SAMD14: variants seen among roughly 807,000 people sequenced by gnomAD.
SAMD14 encodes the protein sterile alpha motif domain containing 14, also known as sterile alpha motif domain-containing protein 14.
In SAMD14, 27 loss-of-function variants were observed where a neutral mutation model predicts 46.2. That is an observed-to-expected ratio of 0.58 (90% CI 0.43 to 0.81). SAMD14 has a LOEUF of 0.81. Among genes scored for constraint, SAMD14 ranks in the 30% least tolerant of loss-of-function variants. The pLI, the probability that SAMD14 is intolerant of heterozygous loss-of-function variation, is 0.00. For missense variants in SAMD14, 559 were observed against 582.2 expected (o/e 0.96, Z 0.41); for synonymous variants, 241 against 254.3 (o/e 0.95, Z 0.50).
At position 50,112,891 on chromosome 17, in the gene SAMD14, C is replaced by G; in HGVS notation, c.*2G>C. ...CGGGTGCCAGCGCCTGTGCACCCTC[C>G]CCTAGCTCTTCTTGGCCTCCTGCTC... On this transcript the variant is annotated 3_prime_UTR_variant, in exon 10 of 10. Transcript: ENST00000330175. 1 of 1,603,580 alleles carries G rather than the reference C, an allele frequency of 6.2e-7. No homozygotes were observed. Among genetic ancestry groups the G allele is most frequent in the Non-Finnish European group, 8.5e-7 (1 of 1,179,488 alleles).
At chr17:50,128,671 CAGG>C in intron 1 of SAMD14, among the ~76,000 whole-genome samples, 1 of 152,232 alleles carries the variant, frequency 6.6e-6, no homozygotes, top group South Asian at 2.1e-4. Context: ...TCTTGGGACC[CAGG>C]AGAAGGAGAA....
At position 50,115,515 on chromosome 17, in the gene SAMD14, T is replaced by C; in HGVS notation, c.822+49A>G. 6.6e-7 allele frequency: 1 copy of C among 1,506,218 alleles called. No homozygotes were observed. The highest frequency in any genetic ancestry group is 8.9e-7 in the Non-Finnish European group (1 of 1,125,254). The allele number at this position is 1,506,218 out of a possible 1,614,324, so 93.3% of individuals were successfully genotyped here. A position where few individuals can be genotyped will look rare whatever the true frequency, so the allele number is the denominator to read the frequency against. ...AGCCAAGGTGAAGTACGCCCTCATG[T>C]CACCTGAGACTGGGGGCCAGTTTGG... On this transcript the variant is annotated intron_variant, in intron 7 of 9. Coordinates refer to ENST00000330175, the MANE Select transcript of SAMD14 (RefSeq NM_001257359.2). The surrounding 1 kb of genome is among the most constrained non-coding windows in gnomAD (Gnocchi z 5.3).
At chr17:50,124,761 A>ACGCGCACGCGCGCG (rs1555563082) in intron 2 of SAMD14, among the ~76,000 whole-genome samples, 156 bp downstream of exon 2, 15 of 108,134 alleles carry the variant, frequency 1.4e-4, no homozygotes, top group African/African-American at 5.7e-4. Context: ...GCACGCGTGC[A>ACGCGCACGCGCGCG]CGCGCGCGCG....
chr17:50,118,165 C>A lies in SAMD14; in HGVS notation c.206G>T (p.Gly69Val). ...GTTTTCCTAACTTGCCCCAACCTTG[C>A]CTCCGGGCCCATCCGAGCCTTCACC... The part of the protein sequence containing the change: ...EDGEGSDGPG[G>V]KVTDGCGSPL... The change falls in exon 3 of 10, where the codon GGC becomes GTC. Residue 69 changes from glycine to valine, a missense_variant. Gly to Val is a moderately radical substitution (Grantham distance 109, BLOSUM62 -3). Transcript: ENST00000330175. 1 of 1,591,620 alleles carries A rather than the reference C, an allele frequency of 6.3e-7. No individual in the cohort carries two copies. The highest frequency in any genetic ancestry group is 8.6e-7 in the Non-Finnish European group (1 of 1,166,292).
At position 50,112,772 on chromosome 17, in the gene SAMD14, C is replaced by A; in HGVS notation, c.*121G>T. 1 of 1,183,214 alleles carries A rather than the reference C, an allele frequency of 8.5e-7. No individual in the cohort carries two copies. Among genetic ancestry groups the A allele is most frequent in the South Asian group, 1.5e-5 (1 of 66,322 alleles). 73.3% of individuals were successfully genotyped at this position (1,183,214 alleles called of 1,614,324 possible). Reference sequence around the variant, plus strand: ...ACAGGGTAAGAGAGAGCATGTCCCCCCTGAGAGCGTGGGACCAGGCTAGCC... The same window carrying A: ...ACAGGGTAAGAGAGAGCATGTCCCCACTGAGAGCGTGGGACCAGGCTAGCC... On this transcript the variant is annotated 3_prime_UTR_variant, in exon 10 of 10. Coordinates refer to ENST00000330175, the MANE Select transcript of SAMD14 (RefSeq NM_001257359.2).
rs2144426085 is a variant in SAMD14, at chr17:50,129,574, G to GCT, written c.-72_-71dup. On this transcript the variant is annotated 5_prime_UTR_variant, in exon 1 of 10. Coordinates refer to ENST00000330175, the MANE Select transcript of SAMD14 (RefSeq NM_001257359.2). The surrounding 1 kb of genome is among the most constrained non-coding windows in gnomAD (Gnocchi z 5.6). Reference sequence around the variant, plus strand: ...CCCGGGAACCCCTCAGGCCCATGGTGCTCGAGGCGGGGGCCGGGCAGGAGA... The same window carrying GCT: ...CCCGGGAACCCCTCAGGCCCATGGTGCTCTCGAGGCGGGGGCCGGGCAGGAGA... 6.6e-6 allele frequency: 1 copy of GCT among 152,298 alleles called. No individual in the cohort carries two copies. Among genetic ancestry groups the GCT allele is most frequent in the East Asian group, 1.9e-4 (1 of 5,146 alleles). 9.4% of individuals were successfully genotyped at this position (152,298 alleles called of 1,614,324 possible). A position where few individuals can be genotyped will look rare whatever the true frequency, so the allele number is the denominator to read the frequency against.
chr17:50,118,634 C>G (rs705967), intron 2 of SAMD14, among the ~76,000 whole-genome samples: 134,877 of 152,200 alleles, frequency 0.89, 59,822 homozygotes, highest in Middle Eastern at 0.93. Context: ...TGGGTTTTAA[C>G]GTCTGGGTAG....
intron 2 of SAMD14, among the ~76,000 whole-genome samples, chr17:50,120,608 G>T (rs1347500310): frequency 6.6e-6 from 1 of 152,166 alleles, no homozygotes; most frequent in Non-Finnish European, 1.5e-5. Context: ...AAGAGTCAAA[G>T]TTCTCCCAGT....
intron 2 of SAMD14, among the ~76,000 whole-genome samples, chr17:50,119,002 T>C (rs1911379495): frequency 6.6e-6 from 1 of 152,214 alleles, no homozygotes; most frequent in Non-Finnish European, 1.5e-5. Context: ...AGACTGGCCC[T>C]ACTGGGGACA....
At chr17:50,128,283 C>T (rs2144422887) in intron 1 of SAMD14, among the ~76,000 whole-genome samples, 1 of 152,258 alleles carries the variant, frequency 6.6e-6, no homozygotes, top group South Asian at 2.1e-4. Context: ...TCGGTCCATC[C>T]TGATTCAGCA....
intron 3 of SAMD14, 136 bp from the exon 4 acceptor site, chr17:50,117,831 C>T: frequency 1.1e-6 from 1 of 951,054 alleles, no homozygotes. Context: ...ATGCCTTAGG[C>T]AGCGGGGTGG....
intron 3 of SAMD14, chr17:50,117,897 T>G: frequency 1.6e-6 from 1 of 641,068 alleles, no homozygotes; most frequent in Non-Finnish European, 2.5e-6. Context: ...TGGGGCTGAA[T>G]TCCCCCTCCT....
rs1254359827 is a variant in SAMD14, at chr17:50,129,067, C to A, written c.-13+450G>T. On this transcript the variant is annotated intron_variant, in intron 1 of 9. Coordinates refer to ENST00000330175, the MANE Select transcript of SAMD14 (RefSeq NM_001257359.2). The surrounding 1 kb of genome is among the most constrained non-coding windows in gnomAD (Gnocchi z 5.6). ...GGTCCCCCCTTCCCATATCGCCGGC[C>A]GTCCACTGGCCCCAGGCTTGGGGTA... 6.6e-6 allele frequency among the ~76,000 whole-genome samples: 1 copy of A among 152,148 alleles called. No homozygotes were observed. Among genetic ancestry groups the A allele is most frequent in the Non-Finnish European group, 1.5e-5 (1 of 68,022 alleles).
intron 4 of SAMD14, 29 bp from the exon 5 acceptor site, chr17:50,116,119 C>CCTTCCTTCCTGTTTG: frequency 6.3e-7 from 1 of 1,596,968 alleles, no homozygotes; most frequent in South Asian, 1.1e-5. Context: ...AAGGAAACTG[C>CCTTCCTTCCTGTTTG]CTGTTTGCTG....
chr17:50,128,129 T>C (rs1486662231), intron 1 of SAMD14, among the ~76,000 whole-genome samples: 1 of 152,174 alleles, frequency 6.6e-6, no homozygotes, highest in African/African-American at 2.4e-5. Context: ...GGCAGTAGTG[T>C]TGTCTCCTTT....
chr17:50,121,200 A>ACCTCCCACCC (rs1911484433), intron 2 of SAMD14, among the ~76,000 whole-genome samples: 1 of 45,518 alleles, frequency 2.2e-5, no homozygotes, highest in East Asian at 7.3e-4. Flanking sequence ...AGCTGCCCCC[A>ACCTCCCACCC]CCTCCCACCC....
rs10522793 is a variant in SAMD14, at chr17:50,124,771, GCACACA to G, written c.43+140_43+145del. The G allele has an allele frequency of 5.0e-4, 283 of 569,586 alleles. 1 individual carries two copies. The highest frequency in any genetic ancestry group is 8.1e-4 in the South Asian group (43 of 52,822). 35.3% of individuals were successfully genotyped at this position (569,586 alleles called of 1,614,324 possible). A position where few individuals can be genotyped will look rare whatever the true frequency, so the allele number is the denominator to read the frequency against. ...TACCTGCACGCGTGCACGCGCGCGC[GCACACA>G]CACACACACACACACACACACACAC... On this transcript the variant is annotated intron_variant, in intron 2 of 9. Coordinates refer to ENST00000330175, the MANE Select transcript of SAMD14 (RefSeq NM_001257359.2).
intron 4 of SAMD14, among the ~76,000 whole-genome samples, chr17:50,117,039 G>A (rs760759358): frequency 4.0e-5 from 6 of 151,380 alleles, no homozygotes; most frequent in South Asian, 4.2e-4. Context: ...TTTTTCTGGA[G>A]ACGGTCTCGC....
chr17:50,116,555 G>A (rs115188673), intron 4 of SAMD14, among the ~76,000 whole-genome samples: 3 of 151,276 alleles, frequency 2.0e-5, no homozygotes, highest in Admixed American at 6.6e-5. Context: ...ACAGGCGCCC[G>A]CCACCACACC....
Sources: allele counts gnomAD v4.1 joint callset (sites outside exome capture counted in the v4.1 genomes callset), GRCh38; gene constraint gnomAD v4.1.1; non-coding constraint Gnocchi (gnomAD v3.1); transcripts MANE v1.5; gene names NCBI Gene and HGNC (gene_info 2026-07-23, HGNC 2026-07-21).